FBXO11: variants seen among roughly 807,000 people sequenced by gnomAD.
FBXO11 encodes F-box protein 11.
Under a neutral mutation model 117.0 loss-of-function variants are expected in FBXO11, and 13 were observed. That is an observed-to-expected ratio of 0.11 (90% CI 0.07 to 0.18). The LOEUF (loss-of-function observed/expected upper bound fraction) is 0.18. Ranked by LOEUF, FBXO11 falls within the 10% of genes least tolerant of loss-of-function variation. The probability of loss-of-function intolerance (pLI) is 1.00; values close to 1 mark genes in which losing one functional copy is unlikely to be tolerated. For missense variants in FBXO11, 767 were observed against 1,164.4 expected, an observed-to-expected ratio of 0.66 and a Z score of 4.97; for synonymous variants, 490 against 380.5, an observed-to-expected ratio of 1.29 and a Z score of -3.35.
At chr2:47,898,390 A>G (rs1677838507) in intron 1 of FBXO11, among the ~76,000 whole-genome samples, 1 of 152,234 alleles carries the variant, frequency 6.6e-6, no homozygotes, top group Non-Finnish European at 1.5e-5. Flanking sequence ...TGGTGAGAAA[A>G]GAATATTTAG....
chr2:47,811,758 A>C (rs1670628757), intron 18 of FBXO11: 1 of 152,164 alleles, frequency 6.6e-6, no homozygotes, highest in Non-Finnish European at 1.5e-5. Flanking sequence ...TATTAAATCA[A>C]TGACCCAGTC....
At chr2:47,896,265 A>C (rs558008616) in intron 1 of FBXO11, among the ~76,000 whole-genome samples, 23 of 151,966 alleles carry the variant, frequency 1.5e-4, no homozygotes, top group African/African-American at 5.5e-4. Flanking sequence ...CCCCTCCCCC[A>C]ATACTTTATT....
chr2:47,875,282 T>C (rs938084077), intron 1 of FBXO11, among the ~76,000 whole-genome samples: 2 of 152,180 alleles, frequency 1.3e-5, no homozygotes, highest in Non-Finnish European at 2.9e-5. Flanking sequence ...TAAATATACA[T>C]AGTCACATGT....
intron 1 of FBXO11, among the ~76,000 whole-genome samples, chr2:47,879,907 T>A (rs985114707): frequency 6.6e-6 from 1 of 152,226 alleles, no homozygotes; most frequent in African/African-American, 2.4e-5. Context: ...TCAAGGTTCA[T>A]CTACGGTTGT....
intron 1 of FBXO11, among the ~76,000 whole-genome samples, chr2:47,843,874 G>A (rs1673203057): frequency 6.6e-6 from 1 of 152,038 alleles, no homozygotes; most frequent in Non-Finnish European, 1.5e-5. Context: ...CCGAGTAGCT[G>A]GGATTACAGG....
In FBXO11 at chr2:47,807,149, G is replaced by GTA. The variant is rs1261186991; in HGVS notation, c.*967_*968dup. 3.8e-5 allele frequency: 13 copies of GTA among 343,532 alleles called. No individual in the cohort carries two copies. Among genetic ancestry groups the GTA allele is most frequent in the African/African-American group, 1.5e-4 (7 of 47,354 alleles). The allele number at this position is 343,532 out of a possible 1,614,324, so 21.3% of individuals were successfully genotyped here. ...AAAAGCTATGAAACTGTATAGGGCT[G>GTA]TATATATACTTGTCTCAGCTTAATG... On this transcript the variant is annotated 3_prime_UTR_variant, in exon 23 of 23. Coordinates refer to ENST00000403359, the MANE Select transcript of FBXO11 (RefSeq NM_001190274.2).
At chr2:47,902,576 C>CACACAT (rs1051953247) in intron 1 of FBXO11, among the ~76,000 whole-genome samples, 2 of 152,056 alleles carry the variant, frequency 1.3e-5, no homozygotes, top group African/African-American at 4.8e-5. Context: ...CACATACACA[C>CACACAT]ACACATACAC....
intron 7 of FBXO11, among the ~76,000 whole-genome samples, chr2:47,833,287 T>A (rs1195802753): frequency 6.6e-6 from 1 of 152,278 alleles, no homozygotes; most frequent in East Asian, 1.9e-4. Context: ...GAATATAAAA[T>A]GCAACGGCAT....
chr2:47,833,438 G>A (rs568995194), intron 7 of FBXO11, among the ~76,000 whole-genome samples: 1 of 152,072 alleles, frequency 6.6e-6, no homozygotes, highest in East Asian at 1.9e-4. Context: ...CAGTGGCCTC[G>A]ATTTAGAAAG....
chr2:47,894,545 T>A (rs1677509306), intron 1 of FBXO11, among the ~76,000 whole-genome samples: 1 of 152,126 alleles, frequency 6.6e-6, no homozygotes, highest in African/African-American at 2.4e-5. Flanking sequence ...TCCACAGTAT[T>A]TTTTTAAAAT....
chr2:47,891,875 T>G (rs1677283215), intron 1 of FBXO11, among the ~76,000 whole-genome samples: 1 of 152,184 alleles, frequency 6.6e-6, no homozygotes, highest in Non-Finnish European at 1.5e-5. Context: ...ATTAATGATG[T>G]TGAGTCTTTT....
At chr2:47,821,878 G>C (rs891103362) in intron 13 of FBXO11, among the ~76,000 whole-genome samples, 8 of 152,134 alleles carry the variant, frequency 5.3e-5, no homozygotes, top group African/African-American at 1.9e-4. Flanking sequence ...GATCACCTGA[G>C]GCCAGGAGTT....
chr2:47,821,477 G>A (rs776256734), intron 13 of FBXO11, among the ~76,000 whole-genome samples: 1 of 152,164 alleles, frequency 6.6e-6, no homozygotes, highest in African/African-American at 2.4e-5. Flanking sequence ...GGGCGTGGTG[G>A]CGGGCGCCTG....
chr2:47,890,477 A>G (rs946745654), intron 1 of FBXO11, among the ~76,000 whole-genome samples: 1 of 152,160 alleles, frequency 6.6e-6, no homozygotes, highest in African/African-American at 2.4e-5. Flanking sequence ...TGTATCATCA[A>G]TCAAGTAGTA....
At chr2:47,836,882 C>A in intron 4 of FBXO11, 1 of 351,600 alleles carries the variant, frequency 2.8e-6, no homozygotes, top group Non-Finnish European at 5.5e-6. Flanking sequence ...CTCCCAGGTT[C>A]AAGTGATCCT....
In FBXO11 at chr2:47,905,643, C is replaced by A; in HGVS notation, c.78G>T (p.Gln26His). The change falls in exon 1 of 23, where the codon CAG becomes CAT. Residue 26 changes from glutamine (Q) to histidine (H), a missense_variant. Coordinates refer to ENST00000403359, the MANE Select transcript of FBXO11 (RefSeq NM_001190274.2). ...RPRPVQQQQQ[Q>H]PPQQPPPQPP... ...GCTGCGGCGGCGGCTGCTGCGGGGG[C>A]TGCTGCTGCTGTTGCTGCACCGGGC... 1 of 1,432,468 alleles carries A rather than the reference C, an allele frequency of 7.0e-7. No homozygotes were observed. The highest frequency in any genetic ancestry group is 1.4e-5 in the South Asian group (1 of 72,098). 88.7% of individuals were successfully genotyped at this position (1,432,468 alleles called of 1,614,324 possible).
rs115571476 is a variant in FBXO11 at position 47,812,321 on chromosome 2, T to C, written c.2227+913A>G. ...TAAATCAGTATCTAAAGAATAAAAG[T>C]GAAATAACATCTGGAATGGTCTGTT... is the stretch of plus-strand genomic sequence containing the variant. On this transcript the variant is annotated intron_variant, in intron 18 of 22. Transcript: ENST00000403359. Among the ~76,000 whole-genome samples the C allele has an allele frequency of 4.9e-3, 745 of 152,356 alleles. 4 individuals are homozygous for C. Among genetic ancestry groups the C allele is most frequent in the Non-Finnish European group, 8.9e-3 (608 of 68,034 alleles).
At chr2:47,830,593 A>T (rs1453981985) in intron 11 of FBXO11, among the ~76,000 whole-genome samples, 2 of 152,380 alleles carry the variant, frequency 1.3e-5, no homozygotes, top group East Asian at 1.9e-4. Flanking sequence ...GAAATACTTT[A>T]TAAATCTTAA....
Position 47,900,635 on chromosome 2 carries a change from CGT to C in FBXO11, c.232+4852_232+4853del, listed in dbSNP as rs796517421. 5.5e-4 allele frequency among the ~76,000 whole-genome samples: 20 copies of C among 36,142 alleles called. 2 individuals are homozygous for C. The highest frequency in any genetic ancestry group is 2.6e-3 in the East Asian group (3 of 1,176). 23.7% of individuals were successfully genotyped at this position (36,142 alleles called of 152,430 possible). A position where few individuals can be genotyped will look rare whatever the true frequency, so the allele number is the denominator to read the frequency against. On this transcript the variant is annotated intron_variant, in intron 1 of 22. Coordinates refer to ENST00000403359, the MANE Select transcript of FBXO11 (RefSeq NM_001190274.2). ...ACGTATATACACACGTATACACACA[CGT>C]ACGTATATACACACGTATACACACA...
Sources: allele counts gnomAD v4.1 joint callset (sites outside exome capture counted in the v4.1 genomes callset), GRCh38; gene constraint gnomAD v4.1.1; transcripts MANE v1.5; gene names NCBI Gene and HGNC (gene_info 2026-07-23, HGNC 2026-07-21).